Variants in RSPO4 observed in about 807,000 individuals in gnomAD.
The protein encoded by RSPO4 is R-spondin-4.
RSPO4 carries 23 observed loss-of-function variants against 24.8 expected under a neutral mutation model. The observed-to-expected ratio is 0.93, with a 90% CI of 0.67 to 1.31. The LOEUF (loss-of-function observed/expected upper bound fraction) is 1.31. RSPO4 is among the 40% of genes most tolerant of loss of function. RSPO4 has a pLI of 0.00. For missense variants in RSPO4, 333 were observed against 316.5 expected (o/e 1.05, Z -0.39); for synonymous variants, 141 against 127.4 (o/e 1.11, Z -0.72).
At chr20:993,772 A>C (rs1282077140) in intron 1 of RSPO4, among the ~76,000 whole-genome samples, 2 of 152,202 alleles carry the variant, frequency 1.3e-5, no homozygotes, top group Non-Finnish European at 2.9e-5. Flanking sequence ...GAAAAATGGC[A>C]ACTGCATATA....
At chr20:1,000,904 CCT>C (rs1985440147) in intron 1 of RSPO4, among the ~76,000 whole-genome samples, 2 of 152,218 alleles carry the variant, frequency 1.3e-5, no homozygotes, top group Admixed American at 1.3e-4. Flanking sequence ...TCTCCCACAG[CCT>C]CTGTCTGCTT....
chr20:980,477 G>C (rs1319900430), intron 1 of RSPO4, among the ~76,000 whole-genome samples: 1 of 152,174 alleles, frequency 6.6e-6, no homozygotes, highest in Non-Finnish European at 1.5e-5. Context: ...CCCCAGTAGA[G>C]AGTGAGCAGA....
chr20:967,802 T>A, intron 2 of RSPO4, 148 bp downstream of exon 2: 1 of 850,884 alleles, frequency 1.2e-6, no homozygotes, highest in African/African-American at 1.7e-5. Flanking sequence ...GGCTGCGGAG[T>A]CAGCCTGGAC....
chr20:988,148 G>A (rs1240842910), intron 1 of RSPO4, among the ~76,000 whole-genome samples: 3 of 152,244 alleles, frequency 2.0e-5, no homozygotes, highest in African/African-American at 7.2e-5. Flanking sequence ...AGCAAGGCCA[G>A]AGTGCAGTGA....
At chr20:998,078 G>A (rs1985351037) in intron 1 of RSPO4, among the ~76,000 whole-genome samples, 1 of 152,266 alleles carries the variant, frequency 6.6e-6, no homozygotes. Flanking sequence ...GGGGAAGCAC[G>A]GACGGGAGAA....
At position 960,233 on chromosome 20, in the gene RSPO4, T is replaced by G; in HGVS notation, c.*124A>C. On this transcript the variant is annotated 3_prime_UTR_variant, in exon 5 of 5. Transcript: ENST00000217260. ...GACTGACAGAAAAATGATAGAAGGG[T>G]GGAAAGAAAGAGAGGACAAATGGAG... The G allele has an allele frequency of 1.5e-6, 1 of 645,914 alleles. No individual in the cohort carries two copies. The highest frequency in any genetic ancestry group is 1.8e-5 in the South Asian group (1 of 56,938). 40.0% of individuals were successfully genotyped at this position (645,914 alleles called of 1,614,324 possible).
At chr20:971,516 C>A (rs1984405980) in intron 1 of RSPO4, among the ~76,000 whole-genome samples, 1 of 152,146 alleles carries the variant, frequency 6.6e-6, no homozygotes, top group Non-Finnish European at 1.5e-5. Context: ...AGCCAGATAC[C>A]ACATACACAA....
chr20:971,689 C>T (rs780127436), intron 1 of RSPO4, among the ~76,000 whole-genome samples: 7 of 152,176 alleles, frequency 4.6e-5, no homozygotes, highest in Non-Finnish European at 1.0e-4. Context: ...GCATTTGTGA[C>T]TTGTAAATAT....
chr20:973,189 T>C (rs978046819), intron 1 of RSPO4, among the ~76,000 whole-genome samples: 1 of 152,224 alleles, frequency 6.6e-6, no homozygotes, highest in Non-Finnish European at 1.5e-5. Context: ...GCATGGCCCC[T>C]ACCCCTATAG....
intron 1 of RSPO4, among the ~76,000 whole-genome samples, chr20:986,867 A>AT (rs1333250117): frequency 6.6e-6 from 1 of 152,180 alleles, no homozygotes; most frequent in Admixed American, 6.5e-5. Flanking sequence ...AGAAAGACAA[A>AT]TAGGACAATA....
rs387907027 is a variant in RSPO4 at position 968,028 on chromosome 20, G to A, written c.190C>T (p.Arg64Cys). 25 of 1,614,234 alleles carry A rather than the reference G, an allele frequency of 1.5e-5. No homozygotes were observed. The highest frequency in any genetic ancestry group is 1.7e-5 in the Admixed American group (1 of 60,036). ...TCGTGCAGGCACTTGCCGTACTGGC[G>A]GATGCCTTCCCGGCGGATGAACAGG... ...LFLFIRREGI[R>C]QYGKCLHDCP... Residue 64 changes from arginine (R) to cysteine (C), a missense_variant, in exon 2 of 5, where the codon CGC becomes TGC. Coordinates refer to ENST00000217260, the MANE Select transcript of RSPO4 (RefSeq NM_001029871.4).
At chr20:986,561 GGCTTTTTAATA>G in intron 1 of RSPO4, among the ~76,000 whole-genome samples, 1 of 149,878 alleles carries the variant, frequency 6.7e-6, no homozygotes, top group East Asian at 2.0e-4. Flanking sequence ...CACTGGACTA[GGCTTTTTAATA>G]GCTGAAAGTT....
Position 963,952 on chromosome 20 carries a change from T to C in RSPO4, c.578A>G (p.Gln193Arg), listed in dbSNP as rs371086524. ...GGGCTCACCTCCTGGGCAGGGCCTC[T>C]GGATGGGACATTTCCTTGACTCAGA... ...VLSESRKCPI[Q>R]RPCPGERSPG... The change falls in exon 4 of 5, where the codon CAG becomes CGG. Residue 193 changes from glutamine to arginine, a missense_variant. Transcript: ENST00000217260. 2.4e-5 allele frequency: 38 copies of C among 1,613,898 alleles called. No individual in the cohort carries two copies. Among genetic ancestry groups the C allele is most frequent in the Non-Finnish European group, 3.0e-5 (35 of 1,180,058 alleles).
chr20:991,840 A>G (rs1985112119), intron 1 of RSPO4, among the ~76,000 whole-genome samples: 1 of 152,234 alleles, frequency 6.6e-6, no homozygotes, highest in Admixed American at 6.5e-5. Flanking sequence ...AAGAATTTTT[A>G]CGAGTAAAAT....
At chr20:1,000,771 C>T (rs1985435398) in intron 1 of RSPO4, among the ~76,000 whole-genome samples, 1 of 152,184 alleles carries the variant, frequency 6.6e-6, no homozygotes, top group African/African-American at 2.4e-5. Context: ...CATAGAGTCC[C>T]AAACTCACCC....
At position 970,362 on chromosome 20, in the gene RSPO4, C is replaced by A. The variant is rs1284611647; in HGVS notation, c.80-2224G>T. Among the ~76,000 whole-genome samples, 1 of 152,112 alleles carries A rather than the reference C, an allele frequency of 6.6e-6. No individual in the cohort carries two copies. The highest frequency in any genetic ancestry group is 2.4e-5 in the African/African-American group (1 of 41,416). On this transcript the variant is annotated intron_variant, in intron 1 of 4. Transcript: ENST00000217260. The surrounding 1 kb of genome is among the most constrained non-coding windows in gnomAD (Gnocchi z 4.1). ...CTTCTGTTCCTTAGATTCGGTGAGG[C>A]CCCACATCCTGCTGATAACCCTCTT... is the stretch of plus-strand genomic sequence containing the variant.
rs896467138 is a variant in RSPO4 at position 960,135 on chromosome 20, G to A, written c.*222C>T. 5 of 582,304 alleles carry A rather than the reference G, an allele frequency of 8.6e-6. No individual in the cohort carries two copies. The highest frequency in any genetic ancestry group is 8.5e-5 in the East Asian group (3 of 35,436). The allele number at this position is 582,304 out of a possible 1,614,324, so 36.1% of individuals were successfully genotyped here. Reference sequence around the variant, plus strand: ...GAAAGAAGAGGAAGGAAGGGAAGGAGGGAGGGAGAAAGGAGAGGAGAATGG... The same window carrying A: ...GAAAGAAGAGGAAGGAAGGGAAGGAAGGAGGGAGAAAGGAGAGGAGAATGG... On this transcript the variant is annotated 3_prime_UTR_variant, in exon 5 of 5. Transcript: ENST00000217260.
chr20:997,294 C>T (rs1416544722), intron 1 of RSPO4, among the ~76,000 whole-genome samples: 1 of 152,056 alleles, frequency 6.6e-6, no homozygotes, highest in African/African-American at 2.4e-5. Flanking sequence ...GGAGGTGGGG[C>T]CCCCCGTGGT....
At chr20:995,188 A>T (rs943700753) in intron 1 of RSPO4, among the ~76,000 whole-genome samples, 1 of 152,186 alleles carries the variant, frequency 6.6e-6, no homozygotes, top group African/African-American at 2.4e-5. Flanking sequence ...AGAATTTCAG[A>T]GAGAAAATGA....
Sources: gnomAD v4.1 joint callset for allele counts (sites outside exome capture counted in the v4.1 genomes callset) on GRCh38, gnomAD v4.1.1 for gene constraint, Gnocchi (gnomAD v3.1) non-coding constraint, MANE v1.5 for transcripts, NCBI Gene and HGNC (gene_info 2026-07-23, HGNC 2026-07-21) for gene names.